Variants in RBMS1 observed in about 807,000 individuals in gnomAD.
The protein encoded by RBMS1 is RNA-binding motif, single-stranded-interacting protein 1.
RBMS1 carries 17 observed loss-of-function variants against 62.3 expected under a neutral mutation model. The ratio of observed to expected loss-of-function variants is 0.27; its 90% CI spans 0.19 to 0.41. The LOEUF (loss-of-function observed/expected upper bound fraction) is 0.41, where lower values mean the gene tolerates loss of function less well. Ranked by LOEUF, RBMS1 falls within the 10% of genes least tolerant of loss-of-function variation. The probability of loss-of-function intolerance (pLI) is 1.00; values close to 1 mark genes in which losing one functional copy is unlikely to be tolerated. For missense variants in RBMS1, 334 were observed against 504.5 expected, an observed-to-expected ratio of 0.66 and a Z score of 3.24; for synonymous variants, 172 against 170.0, an observed-to-expected ratio of 1.01 and a Z score of -0.09.
intron 1 of RBMS1, among the ~76,000 whole-genome samples, chr2:160,441,315 G>C (rs1424043372): frequency 6.6e-6 from 1 of 152,196 alleles, no homozygotes; most frequent in Non-Finnish European, 1.5e-5. Context: ...AAATAAGGCT[G>C]CTAAAACATC....
rs575845561 is a variant in RBMS1 at position 160,398,910 on chromosome 2, T to C, written c.76-31519A>G. Among the ~76,000 whole-genome samples the C allele has an allele frequency of 2.2e-4, 33 of 152,316 alleles. No homozygotes were observed. In the South Asian group the frequency reaches 2.3e-3, roughly 11 times the overall value. On this transcript the variant is annotated intron_variant, in intron 1 of 13. Transcript: ENST00000348849. Reference sequence around the variant, plus strand: ...CACAATATCTTGAATCCATTCTATTTAATACATTCACACTGCCACATTTTA... The same window carrying C: ...CACAATATCTTGAATCCATTCTATTCAATACATTCACACTGCCACATTTTA...
chr2:160,296,223 A>G (rs1688926048), intron 6 of RBMS1, among the ~76,000 whole-genome samples: 1 of 152,212 alleles, frequency 6.6e-6, no homozygotes. Flanking sequence ...TGGGAAAACA[A>G]TACTAACTTA....
At chr2:160,426,293 A>AAAGAAAGAAAGAAAGAAAGAAAG (rs1559537439) in intron 1 of RBMS1, among the ~76,000 whole-genome samples, 1 of 60,344 alleles carries the variant, frequency 1.7e-5, no homozygotes, top group Admixed American at 2.1e-4. Flanking sequence ...AAGAAAGAAA[A>AAAGAAAGAAAGAAAGAAAGAAAG]GAAAGAAGGA....
chr2:160,381,097 C>A (rs531305393), intron 1 of RBMS1, among the ~76,000 whole-genome samples: 1 of 152,218 alleles, frequency 6.6e-6, no homozygotes, highest in African/African-American at 2.4e-5. Context: ...ACTTGGTCTG[C>A]CTTATAGACT....
chr2:160,435,119 GCTAA>G (rs1275065547), intron 1 of RBMS1, among the ~76,000 whole-genome samples: 1 of 152,206 alleles, frequency 6.6e-6, no homozygotes, highest in Admixed American at 6.5e-5. Flanking sequence ...GAAAGATCTT[GCTAA>G]CTTTCTATGG....
chr2:160,475,649 T>C (rs1685092468), intron 1 of RBMS1, among the ~76,000 whole-genome samples: 1 of 152,240 alleles, frequency 6.6e-6, no homozygotes, highest in African/African-American at 2.4e-5. Context: ...ATGTCATGCA[T>C]TGCCTATCAG....
intron 4 of RBMS1, among the ~76,000 whole-genome samples, chr2:160,303,731 G>C (rs1689337414): frequency 6.6e-6 from 1 of 152,200 alleles, no homozygotes; most frequent in African/African-American, 2.4e-5. Context: ...CTGAGTTGGA[G>C]AGGATGCCCT....
chr2:160,353,002 G>C (rs192294547), intron 2 of RBMS1, among the ~76,000 whole-genome samples: 19 of 152,158 alleles, frequency 1.2e-4, no homozygotes, highest in African/African-American at 4.6e-4. Context: ...AAGACAAAAT[G>C]AGCTTGTTAA....
intron 1 of RBMS1, among the ~76,000 whole-genome samples, chr2:160,477,889 A>C (rs1359651162): frequency 6.6e-6 from 1 of 152,272 alleles, no homozygotes; most frequent in African/African-American, 2.4e-5. Context: ...CAAGTAAAGG[A>C]AGTCCAAGTA....
At chr2:160,438,409 T>C (rs908593673) in intron 1 of RBMS1, among the ~76,000 whole-genome samples, 2 of 151,924 alleles carry the variant, frequency 1.3e-5, no homozygotes, top group Non-Finnish European at 2.9e-5. Flanking sequence ...CCCTGCGGCC[T>C]TCCGCAGTGT....
intron 2 of RBMS1, among the ~76,000 whole-genome samples, chr2:160,337,019 C>G (rs982789258): frequency 6.6e-6 from 1 of 152,152 alleles, no homozygotes; most frequent in African/African-American, 2.4e-5. Context: ...TTTTCTAACC[C>G]TGGGTCTCAG....
intron 2 of RBMS1, among the ~76,000 whole-genome samples, chr2:160,354,304 T>C (rs1290891826): frequency 6.6e-6 from 1 of 152,096 alleles, no homozygotes; most frequent in African/African-American, 2.4e-5. Flanking sequence ...TAAAAGGTAA[T>C]TGCATGCTGT....
intron 10 of RBMS1, chr2:160,279,361 A>G (rs918522453): frequency 3.5e-5 from 5 of 143,072 alleles, no homozygotes; most frequent in South Asian, 2.2e-4. Flanking sequence ...AATAGGAGGG[A>G]AAAAAAAAAC....
intron 1 of RBMS1, among the ~76,000 whole-genome samples, chr2:160,445,266 T>C (rs985761941): frequency 2.6e-5 from 4 of 152,248 alleles, no homozygotes; most frequent in African/African-American, 9.6e-5. Context: ...GTTTACTACA[T>C]TGATCTTTGC....
chr2:160,448,706 C>A (rs1010659394), intron 1 of RBMS1, among the ~76,000 whole-genome samples: 1 of 152,156 alleles, frequency 6.6e-6, no homozygotes, highest in Non-Finnish European at 1.5e-5. Flanking sequence ...AGCCTCTGCC[C>A]GGCCGCCAAC....
chr2:160,455,840 CG>C (rs1166728235), intron 1 of RBMS1, among the ~76,000 whole-genome samples: 1 of 151,718 alleles, frequency 6.6e-6, no homozygotes, highest in Non-Finnish European at 1.5e-5. Flanking sequence ...CCCGCTACCA[CG>C]CCCGGCTAAT....
intron 1 of RBMS1, among the ~76,000 whole-genome samples, chr2:160,468,772 A>G (rs1336492295): frequency 6.6e-6 from 1 of 152,202 alleles, no homozygotes; most frequent in African/African-American, 2.4e-5. Flanking sequence ...CATTAATTCA[A>G]CTTTGAAAAG....
intron 4 of RBMS1, among the ~76,000 whole-genome samples, chr2:160,311,214 A>ATCTCTCTCTCTC (rs1382938671): frequency 2.8e-3 from 168 of 60,196 alleles, no homozygotes; most frequent in African/African-American, 9.2e-3. Flanking sequence ...AAAAAAATCT[A>ATCTCTCTCTCTC]TCTATCTATC....
chr2:160,303,197 T>C, intron 5 of RBMS1, 133 bp downstream of exon 5: 1 of 842,288 alleles, frequency 1.2e-6, no homozygotes, highest in Non-Finnish European at 1.8e-6. Context: ...TATTTACACA[T>C]AATTTAAGTT....
Sources: allele counts gnomAD v4.1 joint callset (sites outside exome capture counted in the v4.1 genomes callset), GRCh38; gene constraint gnomAD v4.1.1; transcripts MANE v1.5; gene names NCBI Gene and HGNC (gene_info 2026-07-23, HGNC 2026-07-21).